The following PCDHA5 variants were observed in gnomAD, a reference collection of about 807,000 sequenced individuals.
PCDHA5 encodes the protein protocadherin alpha-5.
Under a neutral mutation model 61.6 loss-of-function variants are expected in PCDHA5, and 43 were observed. The observed-to-expected ratio is 0.70, with a 90% confidence interval of 0.55 to 0.90. The LOEUF (loss-of-function observed/expected upper bound fraction) is 0.90, where lower values mean the gene tolerates loss of function less well. Among genes scored for constraint, PCDHA5 ranks in the 40% least tolerant of loss-of-function variants. The pLI is 0.00. For missense variants in PCDHA5, 1,298 were observed against 1,222.7 expected, an observed-to-expected ratio of 1.06 and a Z score of -0.92; for synonymous variants, 627 against 543.9, an observed-to-expected ratio of 1.15 and a Z score of -2.13.
chr5:140,836,726 C>T (rs1326875671), intron 1 of PCDHA5: 9 of 1,610,652 alleles, frequency 5.6e-6, no homozygotes, highest in African/African-American at 2.7e-5. Flanking sequence ...AGGGTCCATC[C>T]TCTACAGACA....
chr5:140,967,748 G>T, intron 1 of PCDHA5: 1 of 1,614,204 alleles, frequency 6.2e-7, no homozygotes, highest in Non-Finnish European at 8.5e-7. Context: ...TTATGAGGAA[G>T]CCTCCTCCTA....
chr5:140,956,132 C>T (rs782171826), intron 1 of PCDHA5, among the ~76,000 whole-genome samples: 1 of 152,028 alleles, frequency 6.6e-6, no homozygotes, highest in African/African-American at 2.4e-5. Context: ...ATTTGAATAC[C>T]CTTTATTTCT....
chr5:140,912,145 C>T (rs561351882), intron 1 of PCDHA5, among the ~76,000 whole-genome samples: 1 of 152,302 alleles, frequency 6.6e-6, no homozygotes, highest in African/African-American at 2.4e-5. Flanking sequence ...CCATGTTCTT[C>T]TGCCTGTTTT....
At position 140,870,670 on chromosome 5, in the gene PCDHA5, G is replaced by A. The variant is rs782000668; in HGVS notation, c.2352+46543G>A. On this transcript the variant is annotated intron_variant, in intron 1 of 3. Coordinates refer to ENST00000529859, the MANE Select transcript of PCDHA5 (RefSeq NM_018908.3). Reference sequence around the variant, plus strand: ...CAAGGTGTACGCGCTGCAGCCGTTGGACCACGAGGAGCTGGAGCTGCTACA... The same window carrying A: ...CAAGGTGTACGCGCTGCAGCCGTTGAACCACGAGGAGCTGGAGCTGCTACA... The A allele has an allele frequency of 3.1e-6, 5 of 1,612,518 alleles. No individual in the cohort carries two copies. The East Asian group carries it at 1.1e-4, about 36-fold the overall frequency.
At chr5:140,995,168 A>G (rs1554254492) in intron 3 of PCDHA5, among the ~76,000 whole-genome samples, 1 of 152,186 alleles carries the variant, frequency 6.6e-6, no homozygotes. Context: ...ATGTTCTTTC[A>G]TAGGTGCACC....
chr5:140,968,285 T>A, intron 1 of PCDHA5: 1 of 1,614,006 alleles, frequency 6.2e-7, no homozygotes, highest in Non-Finnish European at 8.5e-7. Flanking sequence ...GGTGACCTAC[T>A]CCCTTCTGGA....
At position 140,834,165 on chromosome 5, in the gene PCDHA5, C is replaced by CT. The variant is rs2150213929; in HGVS notation, c.2352+10040dup. 4.2e-4 allele frequency: 228 copies of CT among 543,158 alleles called. No individual in the cohort carries two copies. In the Middle Eastern group the frequency reaches 4.3e-3, roughly 10 times the overall value. 33.6% of individuals were successfully genotyped at this position (543,158 alleles called of 1,614,324 possible). On this transcript the variant is annotated intron_variant, in intron 1 of 3. Coordinates refer to ENST00000529859, the MANE Select transcript of PCDHA5 (RefSeq NM_018908.3). ...AGTTTGTAATGGTTTGTAATTCTTA[C>CT]TTACATGATGGCCACATGATGTCGC...
At chr5:140,881,469 T>C (rs879988017) in intron 1 of PCDHA5, 3 of 570,626 alleles carry the variant, frequency 5.3e-6, no homozygotes, top group Non-Finnish European at 6.7e-6. Context: ...AGCATTGTTG[T>C]GGCTAAATTA....
At chr5:140,869,526 G>C (rs1363521095) in intron 1 of PCDHA5, 1 of 1,614,194 alleles carries the variant, frequency 6.2e-7, no homozygotes, top group Non-Finnish European at 8.5e-7. Context: ...AAAAGCTGCT[G>C]ATTGCGGAAT....
chr5:140,974,744 T>A (rs966437450), intron 1 of PCDHA5, among the ~76,000 whole-genome samples: 11 of 152,144 alleles, frequency 7.2e-5, no homozygotes, highest in African/African-American at 2.4e-4. Context: ...CACCTTGGCC[T>A]CCCAAAGTGC....
Position 140,821,828 on chromosome 5 carries a change from T to G in PCDHA5, c.53T>G (p.Leu18Arg). 1 of 1,614,176 alleles carries G rather than the reference T, an allele frequency of 6.2e-7. No individual in the cohort carries two copies. The highest frequency in any genetic ancestry group is 2.2e-5 in the East Asian group (1 of 44,884). Reference sequence around the variant, plus strand: ...GGATCCCGGCTCCTGCTGCTCTGGCTTCTCCTTGCCTACTGGAAGGCAGGG... The same window carrying G: ...GGATCCCGGCTCCTGCTGCTCTGGCGTCTCCTTGCCTACTGGAAGGCAGGG... ...SLGSRLLLLWLLLAYWKAGSG... is the reference protein window; with the variant it reads ...SLGSRLLLLWRLLAYWKAGSG... The change falls in exon 1 of 4, where the codon CTT (leucine) becomes CGT (arginine). Residue 18 changes from leucine to arginine, a missense_variant. By Grantham distance (102) the Leu-to-Arg change is moderately radical (BLOSUM62 -2). Coordinates refer to ENST00000529859, the MANE Select transcript of PCDHA5 (RefSeq NM_018908.3).
chr5:140,850,643 G>A, intron 1 of PCDHA5: 1 of 1,598,690 alleles, frequency 6.3e-7, no homozygotes, highest in African/African-American at 1.3e-5. Context: ...TCACGCTGCT[G>A]CTGTACACTG....
chr5:140,883,447 C>A, intron 1 of PCDHA5: 1 of 1,614,168 alleles, frequency 6.2e-7, no homozygotes. Context: ...CGCCGCATGT[C>A]CCCTTCAAGC....
chr5:140,930,567 C>T (rs1192022171), intron 1 of PCDHA5: 11 of 152,480 alleles, frequency 7.2e-5, no homozygotes, highest in African/African-American at 2.2e-4. Context: ...TGAAGCAATT[C>T]TACGGTATTA....
chr5:140,951,252 A>G (rs568359458), intron 1 of PCDHA5, among the ~76,000 whole-genome samples: 1 of 151,856 alleles, frequency 6.6e-6, no homozygotes, highest in African/African-American at 2.4e-5. Context: ...AATGCATCAC[A>G]TTTTTCTGGT....
intron 1 of PCDHA5, among the ~76,000 whole-genome samples, chr5:140,962,051 T>C (rs1352018533): frequency 2.0e-5 from 3 of 151,838 alleles, no homozygotes; most frequent in Admixed American, 6.6e-5. Context: ...GCCTGGCTAA[T>C]TTTTTTGTAT....
At chr5:140,992,514 G>A (rs1256283066) in intron 3 of PCDHA5, among the ~76,000 whole-genome samples, 1 of 152,176 alleles carries the variant, frequency 6.6e-6, no homozygotes, top group Non-Finnish European at 1.5e-5. Flanking sequence ...CTGGGGCATG[G>A]TAGCTAATGG....
intron 1 of PCDHA5, chr5:140,929,216 A>G: frequency 6.2e-7 from 1 of 1,614,100 alleles, no homozygotes; most frequent in Non-Finnish European, 8.5e-7. Flanking sequence ...CGTGGGGAGT[A>G]CAATGCTGCC....
intron 1 of PCDHA5, among the ~76,000 whole-genome samples, chr5:140,915,711 C>T (rs1159509465): frequency 1.3e-5 from 2 of 151,812 alleles, no homozygotes; most frequent in African/African-American, 2.4e-5. Flanking sequence ...CTCCTGTGGC[C>T]CCCACTTTGG....
Sources: allele counts gnomAD v4.1 joint callset (sites outside exome capture counted in the v4.1 genomes callset), GRCh38; gene constraint gnomAD v4.1.1; transcripts MANE v1.5; gene names NCBI Gene and HGNC (gene_info 2026-07-23, HGNC 2026-07-21).